The following SRPRA variants were observed in gnomAD, a reference collection of about 807,000 sequenced individuals.
The protein encoded by SRPRA is SRP receptor subunit alpha.
SRPRA carries 30 observed loss-of-function variants against 61.1 expected under a neutral mutation model. That is an observed-to-expected ratio of 0.49 (90% CI 0.37 to 0.67). The LOEUF is 0.67. SRPRA is among the 30% of genes least tolerant of loss of function. SRPRA has a pLI of 0.00. For synonymous variants in SRPRA, 324 were observed against 299.7 expected (o/e 1.08, Z -0.84); for missense variants, 759 against 828.4 (o/e 0.92, Z 1.03).
chr11:126,266,256 C>A lies in SRPRA; in HGVS notation c.863G>T (p.Gly288Val), dbSNP rs1265862509. 2 of 1,614,000 alleles carry A rather than the reference C, an allele frequency of 1.2e-6. No homozygotes were observed. Among genetic ancestry groups the A allele is most frequent in the South Asian group, 1.1e-5 (1 of 91,090 alleles). Residue 288 changes from glycine (G) to valine (V), a missense_variant, in exon 7 of 14, where the codon GGG becomes GTG. Physicochemically the swap from Gly to Val is moderately radical, Grantham distance 109 (BLOSUM62 -3). Around this residue, in one of 2 missense-constraint regions of SRPRA, gnomAD observed 475 missense variants for 462.5 expected, o/e 1.03. Transcript: ENST00000332118. ...GCTGCAGTCCAGATCCTGAAGCTGC[C>A]CCCCAGACCCAGTCCCTCGAATCTG... ...INLIRGTGSGGQLQDLDCSSS... is the reference protein window; with the variant it reads ...INLIRGTGSGVQLQDLDCSSS...
chr11:126,253,592 A>C, the SRPRA span, among the ~76,000 whole-genome samples: 1 of 152,176 alleles, frequency 6.6e-6, no homozygotes, highest in African/African-American at 2.4e-5. The surrounding 1 kb of genome is among the most constrained non-coding windows in gnomAD (Gnocchi z 5.1). Flanking sequence ...TTATCTGCCC[A>C]TGATAAAGTA....
downstream of SRPRA, chr11:126,261,494 T>C (rs1434399224): frequency 6.2e-7 from 1 of 1,605,266 alleles, no homozygotes; most frequent in African/African-American, 1.3e-5. Context: ...GGTATACTGT[T>C]TCCTATTCTA....
Position 126,264,109 on chromosome 11 carries a change from G to C in SRPRA, c.1789-65C>G, listed in dbSNP as rs895136782. 6.2e-6 allele frequency: 10 copies of C among 1,612,898 alleles called. No homozygotes were observed. Among genetic ancestry groups the C allele is most frequent in the Non-Finnish European group, 5.9e-6 (7 of 1,179,244 alleles). Reference sequence around the variant, plus strand: ...CTTTTCACTCACCCTCTCAGGAACAGGAAGCGCTGGAGCCAAGATTTCCTT... The same window carrying C: ...CTTTTCACTCACCCTCTCAGGAACACGAAGCGCTGGAGCCAAGATTTCCTT... On this transcript the variant is annotated intron_variant, in intron 13 of 13. Coordinates refer to ENST00000332118, the MANE Select transcript of SRPRA (RefSeq NM_003139.4). The surrounding 1 kb of genome is among the most constrained non-coding windows in gnomAD (Gnocchi z 5.0).
rs1950815000 is a variant in SRPRA, at chr11:126,266,644, G to A, written c.687-15C>T. 1.9e-6 allele frequency: 3 copies of A among 1,612,936 alleles called. No individual in the cohort carries two copies. The highest frequency in any genetic ancestry group is 1.1e-5 in the South Asian group (1 of 90,954). Reference sequence around the variant, plus strand: ...TCGTGGACTTGCTGCAACAGGTTATGATACAAAGAGTTATGGTGGAGAAGT... The same window carrying A: ...TCGTGGACTTGCTGCAACAGGTTATAATACAAAGAGTTATGGTGGAGAAGT... On this transcript the variant is annotated splice_polypyrimidine_tract_variant and intron_variant, in intron 5 of 13. Transcript: ENST00000332118.
At chr11:126,257,181 A>G in the SRPRA span, among the ~76,000 whole-genome samples, 1 of 152,264 alleles carries the variant, frequency 6.6e-6, no homozygotes, top group African/African-American at 2.4e-5. Flanking sequence ...TAAGGCTGTG[A>G]GAAAATAAAT....
the SRPRA span, among the ~76,000 whole-genome samples, chr11:126,246,180 G>A: frequency 6.6e-6 from 1 of 152,170 alleles, no homozygotes; most frequent in South Asian, 2.1e-4. Context: ...TATTTTTTAG[G>A]TGAGATAGAA....
At chr11:126,262,238 A>C, downstream of SRPRA, 1 of 1,289,230 alleles carries the variant, frequency 7.8e-7, no homozygotes, top group Non-Finnish European at 1.1e-6. Flanking sequence ...CCCAGAAAGT[A>C]ACAATAGCCA....
the SRPRA span, among the ~76,000 whole-genome samples, chr11:126,243,797 A>G: frequency 2.0e-5 from 3 of 151,646 alleles, no homozygotes; most frequent in Non-Finnish European, 4.4e-5. Context: ...CCAGCTACCC[A>G]GGAGGCTGAG....
At chr11:126,237,750 G>C in the SRPRA span, among the ~76,000 whole-genome samples, 3 of 146,176 alleles carry the variant, frequency 2.1e-5, no homozygotes, top group African/African-American at 7.5e-5. Flanking sequence ...CCAGCTACTC[G>C]GGAGGCTGAG....
chr11:126,250,488 T>G, the SRPRA span: 3 of 1,589,284 alleles, frequency 1.9e-6, no homozygotes, highest in Non-Finnish European at 2.6e-6. This position sits in a 1 kb window ranked among gnomAD's most constrained non-coding sequence, Gnocchi z 5.1. Context: ...AATTTTCTTT[T>G]TTCAAATCCC....
At position 126,267,540 on chromosome 11, in the gene SRPRA, GTC is replaced by G. The variant is rs780486799; in HGVS notation, c.365+7_365+8del. Reference sequence around the variant, plus strand: ...AATAAATTGATTTTAGAGAAGGCAGGTCTCTCACCGAAGGAGCCGCAGGAAGT... The same window carrying G: ...AATAAATTGATTTTAGAGAAGGCAGGTCTCACCGAAGGAGCCGCAGGAAGT... On this transcript the variant is annotated splice_region_variant and intron_variant, in intron 3 of 13. Transcript: ENST00000332118. The surrounding 1 kb of genome is among the most constrained non-coding windows in gnomAD (Gnocchi z 4.2). The G allele has an allele frequency of 1.5e-4, 239 of 1,613,772 alleles. 3 individuals carry two copies. The East Asian group carries it at 3.6e-3, about 24-fold the overall frequency.
the SRPRA span, among the ~76,000 whole-genome samples, chr11:126,252,438 A>G: frequency 6.6e-6 from 1 of 152,290 alleles, no homozygotes; most frequent in Non-Finnish European, 1.5e-5. This position sits in a 1 kb window ranked among gnomAD's most constrained non-coding sequence, Gnocchi z 4.7. Flanking sequence ...TGCTTGGTAA[A>G]TATTTTTTTG....
Position 126,264,475 on chromosome 11 carries a change from A to AG in SRPRA, c.1589dup (p.Leu531SerfsTer15). ...TGAGTTTGGCCAGGGCAGTCATCAG[A>AG]GGGGCATTGTCTTGCATGCGGCCTG... On this transcript the variant is annotated frameshift_variant, in exon 12 of 14. Transcript: ENST00000332118. LOFTEE classifies it high-confidence loss of function. The surrounding 1 kb of genome is among the most constrained non-coding windows in gnomAD (Gnocchi z 5.0). The AG allele has an allele frequency of 6.2e-7, 1 of 1,614,164 alleles. No individual in the cohort carries two copies. Among genetic ancestry groups the AG allele is most frequent in the Non-Finnish European group, 8.5e-7 (1 of 1,180,046 alleles).
the SRPRA span, chr11:126,256,730 A>G: frequency 3.1e-6 from 5 of 1,614,214 alleles, no homozygotes; most frequent in East Asian, 2.2e-5. This position sits in a 1 kb window ranked among gnomAD's most constrained non-coding sequence, Gnocchi z 6.6. Context: ...GATGAGTTCA[A>G]AAAGCTTCGA....
At chr11:126,256,274 T>C in the SRPRA span, among the ~76,000 whole-genome samples, 1 of 152,144 alleles carries the variant, frequency 6.6e-6, no homozygotes, top group Non-Finnish European at 1.5e-5. The surrounding 1 kb of genome is among the most constrained non-coding windows in gnomAD (Gnocchi z 6.6). Flanking sequence ...TCAAAAAATA[T>C]ATAAAGCATA....
the SRPRA span, among the ~76,000 whole-genome samples, chr11:126,248,649 C>T: frequency 1.3e-5 from 2 of 152,058 alleles, no homozygotes; most frequent in Admixed American, 6.6e-5. Flanking sequence ...GGATTACAGG[C>T]GTGAGCCAGC....
At chr11:126,249,005 C>T in the SRPRA span, among the ~76,000 whole-genome samples, 1 of 152,148 alleles carries the variant, frequency 6.6e-6, no homozygotes, top group South Asian at 2.1e-4. Context: ...ATTATAGTTC[C>T]TCATTAGTAC....
At position 126,267,478 on chromosome 11, in the gene SRPRA, C is replaced by A; in HGVS notation, c.365+71G>T. On this transcript the variant is annotated intron_variant, in intron 3 of 13. Transcript: ENST00000332118. This position sits in a 1 kb window ranked among gnomAD's most constrained non-coding sequence, Gnocchi z 4.2. ...GTCTTTGAACACATCAATTTACCAC[C>A]TTTGAACCACCTTCAGAGAGGTCAT... is the stretch of plus-strand genomic sequence containing the variant. 1.2e-6 allele frequency: 2 copies of A among 1,601,152 alleles called. No homozygotes were observed. The highest frequency in any genetic ancestry group is 1.1e-5 in the South Asian group (1 of 89,670).
At chr11:126,237,857 AAAAAAAAAAAAAAAAAG>A in the SRPRA span, among the ~76,000 whole-genome samples, 1 of 133,710 alleles carries the variant, frequency 7.5e-6, no homozygotes. Context: ...CTCCGTCTCC[AAAAAAAAAAAAAAAAAG>A]AAAAGAAAAA....
Sources: allele counts gnomAD v4.1 joint callset (sites outside exome capture counted in the v4.1 genomes callset), GRCh38; gene constraint gnomAD v4.1.1; regional missense constraint gnomAD v4.1.1; non-coding constraint Gnocchi (gnomAD v3.1); transcripts MANE v1.5; gene names NCBI Gene and HGNC (gene_info 2026-07-23, HGNC 2026-07-21).